Variants in GABRA5 observed in about 807,000 individuals in gnomAD.
GABRA5 encodes the protein gamma-aminobutyric acid receptor subunit alpha-5.
GABRA5 carries 18 observed loss-of-function variants against 47.3 expected under a neutral mutation model. That is an observed-to-expected ratio of 0.38 (90% CI 0.26 to 0.56). GABRA5 has a LOEUF of 0.56. Among genes scored for constraint, GABRA5 ranks in the 20% least tolerant of loss-of-function variants. The probability of loss-of-function intolerance (pLI) is 0.71; values close to 1 mark genes in which losing one functional copy is unlikely to be tolerated. For synonymous variants in GABRA5, 237 were observed against 229.3 expected, an observed-to-expected ratio of 1.03 and a Z score of -0.30; for missense variants, 365 against 599.3, an observed-to-expected ratio of 0.61 and a Z score of 4.08.
chr15:26,882,344 A>G (rs932929014), intron 4 of GABRA5, among the ~76,000 whole-genome samples: 8 of 152,116 alleles, frequency 5.3e-5, no homozygotes, highest in Non-Finnish European at 1.2e-4. Flanking sequence ...TCACACAGAC[A>G]CCTGCCCACG....
At chr15:26,866,906 G>A (rs1365688205), upstream of GABRA5, 1 of 152,230 alleles carries the variant, frequency 6.6e-6, no homozygotes, top group African/African-American at 2.4e-5. Flanking sequence ...ACTACACGAG[G>A]CGCCGAAGAT....
chr15:26,944,673 C>T (rs375097231), intron 10 of GABRA5, among the ~76,000 whole-genome samples: 2 of 152,150 alleles, frequency 1.3e-5, no homozygotes, highest in Non-Finnish European at 2.9e-5. Context: ...ACCAGGGGTC[C>T]AGAGAAGGTG....
intron 7 of GABRA5, among the ~76,000 whole-genome samples, chr15:26,936,010 T>A (rs1894231712): frequency 6.6e-6 from 1 of 152,060 alleles, no homozygotes; most frequent in South Asian, 2.1e-4. Flanking sequence ...CTAGTAGAGG[T>A]AATTGGATTA....
At chr15:26,897,652 C>T (rs1893231492) in intron 6 of GABRA5, among the ~76,000 whole-genome samples, 1 of 152,122 alleles carries the variant, frequency 6.6e-6, no homozygotes, top group Non-Finnish European at 1.5e-5. Flanking sequence ...TACAAGTTGC[C>T]CCTTGATAAC....
intron 7 of GABRA5, 33 bp from the exon 8 acceptor site, chr15:26,937,146 TTTCATG>T: frequency 6.2e-7 from 1 of 1,611,122 alleles, no homozygotes; most frequent in Non-Finnish European, 8.5e-7. Flanking sequence ...CTGGGAATGA[TTTCATG>T]TTTATGTCAC....
At chr15:26,934,081 C>T (rs1017370138) in intron 7 of GABRA5, among the ~76,000 whole-genome samples, 3 of 151,798 alleles carry the variant, frequency 2.0e-5, no homozygotes, top group African/African-American at 2.4e-5. Context: ...GGCAAAACCC[C>T]ATCTATACAA....
chr15:26,943,371 C>T lies in GABRA5; in HGVS notation c.1034C>T (p.Thr345Ile). The T allele has an allele frequency of 6.2e-7, 1 of 1,600,176 alleles. No individual in the cohort carries two copies. Among genetic ancestry groups the T allele is most frequent in the Non-Finnish European group, 8.5e-7 (1 of 1,173,326 alleles). The change falls in exon 10 of 11, where the codon ACC becomes ATC. Residue 345 changes from threonine to isoleucine, a missense_variant. Around this residue, in one of 3 missense-constraint regions of GABRA5, gnomAD observed 43 missense variants for 133.7 expected, o/e 0.32. Transcript: ENST00000335625. ...LIEFATVNYF[T>I]KRGWAWDGKK... The stretch of plus-strand genomic sequence containing the variant: ...GAGTTTGCCACGGTCAATTACTTTA[C>T]CAAGAGAGGCTGGGCCTGGGATGGC...
rs541153244 is a variant in GABRA5 at position 26,943,343 on chromosome 15, A to G, written c.1006A>G (p.Ile336Val). ...VCYAFVFSAL[I>V]EFATVNYFTK... is the part of the protein sequence containing the mutation. ...CTATGCCTTCGTCTTCTCGGCGCTG[A>G]TAGAGTTTGCCACGGTCAATTACTT... is the stretch of plus-strand genomic sequence containing the variant. Residue 336 changes from isoleucine (I) to valine (V), a missense_variant, in exon 10 of 11, where the codon ATA (isoleucine) becomes GTA (valine). By Grantham distance (29) the Ile-to-Val change is conservative. Around this residue, in one of 3 missense-constraint regions of GABRA5, gnomAD observed 43 missense variants for 133.7 expected, o/e 0.32. Transcript: ENST00000335625. The G allele has an allele frequency of 6.3e-7, 1 of 1,597,582 alleles. No homozygotes were observed. Among genetic ancestry groups the G allele is most frequent in the East Asian group, 2.3e-5 (1 of 44,124 alleles).
At chr15:26,886,206 GA>G (rs927385296) in intron 6 of GABRA5, among the ~76,000 whole-genome samples, 26 of 152,058 alleles carry the variant, frequency 1.7e-4, no homozygotes, top group Non-Finnish European at 3.5e-4. Context: ...TTTTAGTAGG[GA>G]GGGGGTTTCA....
At position 26,869,266 on chromosome 15, in the gene GABRA5, C is replaced by T; in HGVS notation, c.18C>T (p.Phe6=). Residue 6 remains phenylalanine (F), a synonymous_variant, in exon 3 of 11, where the codon TTC becomes TTT. Coordinates refer to ENST00000335625, the MANE Select transcript of GABRA5 (RefSeq NM_000810.4). ...TATTGGGAATGGACAATGGAATGTT[C>T]TCTGGTTTTATCATGATCAAAAACC... The part of the protein sequence containing the change: MDNGM[F]SGFIMIKNLL... 1 of 1,601,688 alleles carries T rather than the reference C, an allele frequency of 6.2e-7. No individual in the cohort carries two copies. Among genetic ancestry groups the T allele is most frequent in the East Asian group, 2.2e-5 (1 of 44,826 alleles).
At chr15:26,902,037 C>T (rs896419244) in intron 6 of GABRA5, among the ~76,000 whole-genome samples, 1 of 151,986 alleles carries the variant, frequency 6.6e-6, no homozygotes. Context: ...TCTACACTGT[C>T]TTGATTACTA....
chr15:26,897,174 T>C (rs974596236), intron 6 of GABRA5, among the ~76,000 whole-genome samples: 2 of 152,136 alleles, frequency 1.3e-5, no homozygotes, highest in African/African-American at 4.8e-5. Flanking sequence ...CATGCCTATG[T>C]TGCTTCCAAA....
rs1181636061 is a variant in GABRA5, at chr15:26,880,878, A to T, written c.119A>T (p.Asp40Val). The part of the protein sequence containing the change: ...FSQMPTSSVK[D>V]ETNDNITIFT... ...CAGATGCCAACCAGTTCAGTGAAAG[A>T]TGAGACCAATGACAACATCACGATA... Residue 40 changes from aspartate to valine, a missense_variant, in exon 4 of 11, where the codon GAT (aspartate) becomes GTT (valine). Transcript: ENST00000335625. The T allele has an allele frequency of 6.2e-7, 1 of 1,613,990 alleles. No homozygotes were observed. Among genetic ancestry groups the T allele is most frequent in the Non-Finnish European group, 8.5e-7 (1 of 1,179,874 alleles).
chr15:26,912,775 A>G (rs1481619614), intron 6 of GABRA5, among the ~76,000 whole-genome samples: 1 of 152,246 alleles, frequency 6.6e-6, no homozygotes, highest in Non-Finnish European at 1.5e-5. Flanking sequence ...TGAAAAGAAA[A>G]TATATGTACA....
intron 3 of GABRA5, among the ~76,000 whole-genome samples, chr15:26,875,316 G>A (rs1037930772): frequency 6.6e-6 from 1 of 152,148 alleles, no homozygotes; most frequent in Non-Finnish European, 1.5e-5. Flanking sequence ...GGGCATCCTG[G>A]GGGACATTGC....
At chr15:26,890,426 A>ATTTTTTTTTTT (rs201726196) in intron 6 of GABRA5, among the ~76,000 whole-genome samples, 41 of 128,578 alleles carry the variant, frequency 3.2e-4, no homozygotes, top group African/African-American at 1.0e-3. Flanking sequence ...AGTCACTTCA[A>ATTTTTTTTTTT]TTTTTTTTTT....
At chr15:26,900,115 G>A (rs1172449683) in intron 6 of GABRA5, among the ~76,000 whole-genome samples, 1 of 151,868 alleles carries the variant, frequency 6.6e-6, no homozygotes, top group Non-Finnish European at 1.5e-5. Flanking sequence ...TAACAATCTG[G>A]TTTGGGTTAA....
intron 7 of GABRA5, among the ~76,000 whole-genome samples, chr15:26,927,385 T>G (rs1344412240): frequency 6.6e-6 from 1 of 152,146 alleles, no homozygotes; most frequent in Non-Finnish European, 1.5e-5. Flanking sequence ...GTGCTGGGAT[T>G]ACATGTGTGC....
chr15:26,927,432 T>C (rs1014246638), intron 7 of GABRA5, among the ~76,000 whole-genome samples: 1 of 152,136 alleles, frequency 6.6e-6, no homozygotes, highest in Non-Finnish European at 1.5e-5. Flanking sequence ...CTATTGAGAT[T>C]GATATGATTT....
Sources: gnomAD v4.1 joint callset for allele counts (sites outside exome capture counted in the v4.1 genomes callset) on GRCh38, gnomAD v4.1.1 for gene constraint, gnomAD v4.1.1 regional missense constraint, MANE v1.5 for transcripts, NCBI Gene and HGNC (gene_info 2026-07-23, HGNC 2026-07-21) for gene names.